BCKDHB: variants seen among roughly 807,000 people sequenced by gnomAD.
BCKDHB encodes branched chain keto acid dehydrogenase E1 subunit beta.
BCKDHB carries 41 observed loss-of-function variants against 48.5 expected under a neutral mutation model. The ratio of observed to expected loss-of-function variants is 0.85; its 90% CI spans 0.66 to 1.10. The LOEUF is 1.10. Among genes scored for constraint, BCKDHB ranks in the 50% least tolerant of loss-of-function variants. The pLI is 0.00. For missense variants in BCKDHB, 496 were observed against 494.2 expected, an observed-to-expected ratio of 1.00 and a Z score of -0.03; for synonymous variants, 201 against 174.8, an observed-to-expected ratio of 1.15 and a Z score of -1.18.
At chr6:80,428,599 G>C in the BCKDHB span, among the ~76,000 whole-genome samples, 1 of 152,126 alleles carries the variant, frequency 6.6e-6, no homozygotes, top group Non-Finnish European at 1.5e-5. Flanking sequence ...TTGTGATTTT[G>C]ATTAGCATTT....
chr6:80,376,577 A>G, the BCKDHB span, among the ~76,000 whole-genome samples: 1 of 152,124 alleles, frequency 6.6e-6, no homozygotes, highest in Non-Finnish European at 1.5e-5. Context: ...TCTTAGAGCA[A>G]AAGTTCACAA....
At chr6:80,239,257 C>T (rs1170603512) in intron 8 of BCKDHB, among the ~76,000 whole-genome samples, 3 of 152,174 alleles carry the variant, frequency 2.0e-5, no homozygotes, top group Non-Finnish European at 4.4e-5. Flanking sequence ...TCCTCTCAAG[C>T]ACCTGTTGTT....
chr6:80,146,350 G>A (rs538892303), intron 3 of BCKDHB, among the ~76,000 whole-genome samples: 69 of 152,226 alleles, frequency 4.5e-4, no homozygotes, highest in Admixed American at 3.8e-3. Context: ...TGGTAACTTC[G>A]TTTCTTTTAT....
chr6:80,176,191 A>T (rs1773146098), intron 6 of BCKDHB, among the ~76,000 whole-genome samples: 2 of 152,152 alleles, frequency 1.3e-5, no homozygotes, highest in Non-Finnish European at 2.9e-5. Context: ...AAGGAGAAGG[A>T]GGTGTTAAGA....
chr6:80,226,012 C>T (rs1182164572), intron 8 of BCKDHB, among the ~76,000 whole-genome samples: 2 of 152,150 alleles, frequency 1.3e-5, no homozygotes, highest in African/African-American at 4.8e-5. Flanking sequence ...TACTCTTAAT[C>T]CTAAAGTTTA....
chr6:80,404,689 A>G, the BCKDHB span, among the ~76,000 whole-genome samples: 1 of 151,784 alleles, frequency 6.6e-6, no homozygotes, highest in Non-Finnish European at 1.5e-5. Context: ...TTCTTAATGT[A>G]TGTTGTTATT....
At position 80,218,339 on chromosome 6, in the gene BCKDHB, A is replaced by G. The variant is rs556307079; in HGVS notation, c.951+15127A>G. ...GAAAGTGGAATTCATAATTAGGAGA[A>G]CTATCAAAATGTGGAGAATATGTTA... On this transcript the variant is annotated intron_variant, in intron 8 of 9. Coordinates refer to ENST00000320393, the MANE Select transcript of BCKDHB (RefSeq NM_183050.4). 3.3e-5 allele frequency among the ~76,000 whole-genome samples: 5 copies of G among 152,056 alleles called. No individual in the cohort carries two copies. In the South Asian group the frequency reaches 1.0e-3, roughly 32 times the overall value.
chr6:80,307,583 GA>G, intron 9 of BCKDHB: 2 of 984,742 alleles, frequency 2.0e-6, no homozygotes, highest in Non-Finnish European at 2.4e-6. Context: ...ATCTTCTAGT[GA>G]AAAATAACAA....
At chr6:80,370,343 ACTAT>A in the BCKDHB span, among the ~76,000 whole-genome samples, 1 of 152,184 alleles carries the variant, frequency 6.6e-6, no homozygotes, top group Non-Finnish European at 1.5e-5. Context: ...GTGAAAATAA[ACTAT>A]CTAAGGGCCT....
chr6:80,224,613 C>T (rs1775603013), intron 8 of BCKDHB, among the ~76,000 whole-genome samples: 1 of 152,162 alleles, frequency 6.6e-6, no homozygotes, highest in African/African-American at 2.4e-5. Context: ...CTAGGCTGGT[C>T]TTGAACTCCT....
At chr6:80,189,987 A>T (rs1773818743) in intron 6 of BCKDHB, among the ~76,000 whole-genome samples, 1 of 152,110 alleles carries the variant, frequency 6.6e-6, no homozygotes, top group African/African-American at 2.4e-5. Flanking sequence ...GGAGTTCTTC[A>T]TTTTTTGTAG....
At chr6:80,302,361 A>C (rs2127991684) in intron 9 of BCKDHB, among the ~76,000 whole-genome samples, 1 of 152,270 alleles carries the variant, frequency 6.6e-6, no homozygotes, top group African/African-American at 2.4e-5. Context: ...AGTAATGTCT[A>C]ATTGAAATAT....
the BCKDHB span, among the ~76,000 whole-genome samples, chr6:80,391,364 C>G: frequency 1.3e-5 from 2 of 152,072 alleles, no homozygotes; most frequent in African/African-American, 4.8e-5. Context: ...GAAGCAAATA[C>G]TGGATTTTCG....
chr6:80,111,749 A>G (rs1282383421), intron 1 of BCKDHB, among the ~76,000 whole-genome samples: 1 of 152,246 alleles, frequency 6.6e-6, no homozygotes, highest in African/African-American at 2.4e-5. Context: ...TTTTATATAT[A>G]TGCATACACA....
the BCKDHB span, among the ~76,000 whole-genome samples, chr6:80,392,476 C>A: frequency 6.6e-6 from 1 of 151,454 alleles, no homozygotes; most frequent in Admixed American, 6.6e-5. Context: ...TCCCATTGTA[C>A]CTTTCCTAGT....
intron 9 of BCKDHB, among the ~76,000 whole-genome samples, chr6:80,307,184 T>A (rs1006401401): frequency 6.6e-6 from 1 of 152,158 alleles, no homozygotes; most frequent in African/African-American, 2.4e-5. Context: ...AGACTGCAGT[T>A]AGAACCTACT....
intron 3 of BCKDHB, among the ~76,000 whole-genome samples, chr6:80,144,934 C>T (rs971315219): frequency 6.6e-6 from 1 of 152,058 alleles, no homozygotes; most frequent in African/African-American, 2.4e-5. Context: ...TTTTTCCATC[C>T]CACGTTTCAT....
the BCKDHB span, among the ~76,000 whole-genome samples, chr6:80,440,385 T>C: frequency 6.6e-6 from 1 of 152,302 alleles, no homozygotes; most frequent in East Asian, 1.9e-4. Context: ...TAAGTGAATG[T>C]CACATAAAAA....
chr6:80,255,505 GA>G (rs1385398238), intron 8 of BCKDHB, among the ~76,000 whole-genome samples: 1 of 151,474 alleles, frequency 6.6e-6, no homozygotes, highest in South Asian at 2.1e-4. Flanking sequence ...GAAAAGAAGG[GA>G]AAAAAAAGAA....
Sources: gnomAD v4.1 joint callset for allele counts (sites outside exome capture counted in the v4.1 genomes callset) on GRCh38, gnomAD v4.1.1 for gene constraint, MANE v1.5 for transcripts, NCBI Gene and HGNC (gene_info 2026-07-23, HGNC 2026-07-21) for gene names.